Variants in CELF2 observed in about 807,000 individuals in gnomAD.
CELF2 encodes CUGBP Elav-like family member 2, also known as CUG triplet repeat RNA-binding protein 2.
A neutral mutation model predicts 62.6 loss-of-function variants in CELF2; 8 were observed. The observed-to-expected ratio is 0.13, with a 90% CI of 0.07 to 0.23. CELF2 has a LOEUF of 0.23. Ranked by LOEUF, CELF2 falls within the 10% of genes least tolerant of loss-of-function variation. The probability of loss-of-function intolerance (pLI) is 1.00; values close to 1 mark genes in which losing one functional copy is unlikely to be tolerated. For synonymous variants in CELF2, 258 were observed against 250.0 expected, an observed-to-expected ratio of 1.03 and a Z score of -0.30; for missense variants, 333 against 671.0, an observed-to-expected ratio of 0.50 and a Z score of 5.56.
At chr10:11,139,946 G>A (rs1255190672) in intron 1 of CELF2, among the ~76,000 whole-genome samples, 1 of 151,590 alleles carries the variant, frequency 6.6e-6, no homozygotes, top group Non-Finnish European at 1.5e-5. Flanking sequence ...CTGTTAATAT[G>A]GTAGAGTAAG....
chr10:11,287,312 G>C (rs942335466), intron 8 of CELF2, among the ~76,000 whole-genome samples: 7 of 152,002 alleles, frequency 4.6e-5, no homozygotes, highest in Non-Finnish European at 7.3e-5. Flanking sequence ...GCAGTCTTCT[G>C]GTAAAGTGAA....
In CELF2 at chr10:11,224,517, TGTGGGGGAG is replaced by T. The variant is rs2065857290; in HGVS notation, c.354+7012_354+7020del. Among the ~76,000 whole-genome samples, 1 of 152,028 alleles carries T rather than the reference TGTGGGGGAG, an allele frequency of 6.6e-6. No individual in the cohort carries two copies. The highest frequency in any genetic ancestry group is 2.1e-4 in the South Asian group (1 of 4,818). Reference sequence around the variant, plus strand: ...GGTTGATAGGATTTCAAAAGAAGATTGTGGGGGAGGCGGGGGATCCATGAATTTGATTAA... The same window carrying T: ...GGTTGATAGGATTTCAAAAGAAGATTGCGGGGGATCCATGAATTTGATTAA... On this transcript the variant is annotated intron_variant, in intron 3 of 12. Coordinates refer to ENST00000633077, the MANE Select transcript of CELF2 (RefSeq NM_001326342.2). This position sits in a 1 kb window ranked among gnomAD's most constrained non-coding sequence, Gnocchi z 4.5.
At chr10:10,978,035 T>G (rs1029256251) in intron 2 of CELF2, among the ~76,000 whole-genome samples, 10 of 129,044 alleles carry the variant, frequency 7.7e-5, no homozygotes, top group African/African-American at 2.7e-4. Context: ...TTTTTTTTTG[T>G]TTTTTGTTTT....
At chr10:11,142,968 A>T (rs2061621274) in intron 1 of CELF2, among the ~76,000 whole-genome samples, 4 of 137,316 alleles carry the variant, frequency 2.9e-5, no homozygotes, top group African/African-American at 8.6e-5. Flanking sequence ...CACTGGGGGA[A>T]CTCACTCCCC....
intron 1 of CELF2, among the ~76,000 whole-genome samples, chr10:11,091,692 C>T (rs947820359): frequency 6.6e-6 from 1 of 152,200 alleles, no homozygotes; most frequent in Admixed American, 6.5e-5. Context: ...TTTCTGAACT[C>T]ATTTTGTGAA....
At chr10:10,645,490 C>CA in the CELF2 span, among the ~76,000 whole-genome samples, 3 of 151,782 alleles carry the variant, frequency 2.0e-5, no homozygotes, top group Non-Finnish European at 2.9e-5. Flanking sequence ...TAGTCTCTAC[C>CA]AAAAAATAGA....
the CELF2 span, among the ~76,000 whole-genome samples, chr10:10,742,154 T>C: frequency 6.6e-6 from 1 of 152,234 alleles, no homozygotes; most frequent in African/African-American, 2.4e-5. Context: ...ATGTCAAGTC[T>C]TCAGATAACT....
chr10:11,076,245 A>T (rs190359931), intron 1 of CELF2, among the ~76,000 whole-genome samples: 2 of 151,454 alleles, frequency 1.3e-5, no homozygotes, highest in East Asian at 3.9e-4. Flanking sequence ...GAGAAAGATT[A>T]TTGGAGGATA....
Position 11,247,684 on chromosome 10 carries a change from A to G in CELF2, c.355-1469A>G, listed in dbSNP as rs2076026564. Among the ~76,000 whole-genome samples the G allele has an allele frequency of 2.0e-5, 3 of 151,364 alleles. No homozygotes were observed. The highest frequency in any genetic ancestry group is 3.4e-3 in the Middle Eastern group (1 of 294). On this transcript the variant is annotated intron_variant, in intron 3 of 12. Transcript: ENST00000633077. The surrounding 1 kb of genome is among the most constrained non-coding windows in gnomAD (Gnocchi z 5.4). ...GGCCTTTGTTCCCAGTTTTTGGCCT[A>G]GAGACTGACATAGGGTACCTGTTTG... is the stretch of plus-strand genomic sequence containing the variant.
chr10:11,009,681 C>T (rs547695802), intron 1 of CELF2, among the ~76,000 whole-genome samples: 7 of 152,212 alleles, frequency 4.6e-5, no homozygotes, highest in South Asian at 2.1e-4. Flanking sequence ...CAGGTTGACC[C>T]GCCCATGATT....
the CELF2 span, among the ~76,000 whole-genome samples, chr10:10,698,037 G>A: frequency 4.7e-4 from 72 of 152,224 alleles, 1 homozygote; most frequent in African/African-American, 8.9e-4. Context: ...GAGGTGATCC[G>A]CCCACTTCAG....
At chr10:10,761,897 T>A in the CELF2 span, among the ~76,000 whole-genome samples, 4 of 145,234 alleles carry the variant, frequency 2.8e-5, no homozygotes, top group Non-Finnish European at 6.0e-5. Context: ...CAATTCCTTA[T>A]AATAAACCGT....
At chr10:10,696,854 G>T in the CELF2 span, among the ~76,000 whole-genome samples, 5 of 152,166 alleles carry the variant, frequency 3.3e-5, no homozygotes, top group Non-Finnish European at 5.9e-5. Context: ...CGCACGGTGC[G>T]TGCACCCAAT....
chr10:10,870,158 A>G (rs1034378593), intron 1 of CELF2, among the ~76,000 whole-genome samples: 1 of 152,218 alleles, frequency 6.6e-6, no homozygotes, highest in Non-Finnish European at 1.5e-5. Flanking sequence ...AAAATCAGGA[A>G]TGATGTCCAT....
At position 11,159,300 on chromosome 10, in the gene CELF2, C is replaced by CTGGA. The variant is rs1453073545; in HGVS notation, c.75-6183_75-6180dup. Reference sequence around the variant, plus strand: ...AATTTACCCAAAGTTTTCAGCAGCCCTGGATGCCACTACAGTTAAGACATA... The same window carrying CTGGA: ...AATTTACCCAAAGTTTTCAGCAGCCCTGGATGGATGCCACTACAGTTAAGACATA... On this transcript the variant is annotated intron_variant, in intron 1 of 12. Coordinates refer to ENST00000633077, the MANE Select transcript of CELF2 (RefSeq NM_001326342.2). The surrounding 1 kb of genome is among the most constrained non-coding windows in gnomAD (Gnocchi z 5.0). 6.6e-6 allele frequency among the ~76,000 whole-genome samples: 1 copy of CTGGA among 152,226 alleles called. No individual in the cohort carries two copies. Among genetic ancestry groups the CTGGA allele is most frequent in the Non-Finnish European group, 1.5e-5 (1 of 68,040 alleles).
At chr10:10,544,106 T>A in the CELF2 span, among the ~76,000 whole-genome samples, 2 of 152,206 alleles carry the variant, frequency 1.3e-5, no homozygotes, top group Non-Finnish European at 2.9e-5. Context: ...GCATTCCACC[T>A]ATGAACGTTC....
chr10:10,660,928 G>A, the CELF2 span, among the ~76,000 whole-genome samples: 59 of 152,334 alleles, frequency 3.9e-4, 1 homozygote, highest in South Asian at 0.012. Context: ...ACCAATCACT[G>A]TCATCTGTGT....
the CELF2 span, among the ~76,000 whole-genome samples, chr10:10,728,473 A>AG: frequency 5.6e-4 from 83 of 148,504 alleles, no homozygotes; most frequent in East Asian, 1.2e-3. Context: ...AAAAAAAAAA[A>AG]AGAGAGAGAA....
chr10:11,115,186 AT>A (rs1472965854), intron 1 of CELF2, among the ~76,000 whole-genome samples: 1 of 152,226 alleles, frequency 6.6e-6, no homozygotes, highest in African/African-American at 2.4e-5. Flanking sequence ...AGATGTACAC[AT>A]CTACACAAAT....
Sources: allele counts gnomAD v4.1 joint callset (sites outside exome capture counted in the v4.1 genomes callset), GRCh38; gene constraint gnomAD v4.1.1; non-coding constraint Gnocchi (gnomAD v3.1); transcripts MANE v1.5; gene names NCBI Gene and HGNC (gene_info 2026-07-23, HGNC 2026-07-21).